The following MRPS28 variants were observed in gnomAD, a reference collection of about 807,000 sequenced individuals.
The protein encoded by MRPS28 is mitochondrial ribosomal protein S28.
Under a neutral mutation model 10.8 loss-of-function variants are expected in MRPS28, and 7 were observed. The observed-to-expected ratio is 0.65, with a 90% CI of 0.37 to 1.22. The LOEUF is 1.22. Ranked by LOEUF, MRPS28 falls within the 50% of genes most tolerant of loss-of-function variation. The probability of loss-of-function intolerance (pLI) is 0.02; values close to 1 mark genes in which losing one functional copy is unlikely to be tolerated. For missense variants in MRPS28, 265 were observed against 232.9 expected (o/e 1.14, Z -0.90); for synonymous variants, 121 against 93.3 (o/e 1.30, Z -1.71).
chr8:79,929,308 T>C (rs1806397217), intron 2 of MRPS28, among the ~76,000 whole-genome samples: 1 of 152,176 alleles, frequency 6.6e-6, no homozygotes, highest in Non-Finnish European at 1.5e-5. Flanking sequence ...TAGAAGTATA[T>C]ATTCTATTCT....
intron 2 of MRPS28, among the ~76,000 whole-genome samples, chr8:79,949,709 CTTT>C (rs1023544584): frequency 6.6e-6 from 1 of 152,024 alleles, no homozygotes; most frequent in African/African-American, 2.4e-5. Flanking sequence ...AAAAAAATAA[CTTT>C]TTTTAGATGT....
At chr8:79,934,812 C>T (rs959744538) in intron 2 of MRPS28, among the ~76,000 whole-genome samples, 1 of 152,062 alleles carries the variant, frequency 6.6e-6, no homozygotes, top group African/African-American at 2.4e-5. Flanking sequence ...GGTTAAGAAA[C>T]AACCTGATTA....
chr8:79,934,430 T>C (rs1178541527), intron 2 of MRPS28, among the ~76,000 whole-genome samples: 4 of 152,164 alleles, frequency 2.6e-5, no homozygotes, highest in Non-Finnish European at 5.9e-5. Flanking sequence ...TAAAAATTCA[T>C]TCAATATTAT....
intron 2 of MRPS28, among the ~76,000 whole-genome samples, chr8:79,976,599 G>A (rs1424683085): frequency 4.6e-5 from 7 of 152,030 alleles, no homozygotes; most frequent in African/African-American, 1.7e-4. Flanking sequence ...CCAACTACAC[G>A]GGAGGCTGAG....
In MRPS28 at chr8:79,930,073, A is replaced by G. The variant is rs116246519; in HGVS notation, c.396-10925T>C. Among the ~76,000 whole-genome samples the G allele has an allele frequency of 5.4e-3, 819 of 152,328 alleles. 5 individuals carry two copies. The highest frequency in any genetic ancestry group is 0.019 in the African/African-American group (780 of 41,572). On this transcript the variant is annotated intron_variant, in intron 2 of 2. Transcript: ENST00000276585. The stretch of plus-strand genomic sequence containing the variant: ...ACACTCTCAGTGACTTACCACATCC[A>G]TAGGTGCTCTGACTTATTACAGATA...
At chr8:79,944,896 T>C (rs1189621348) in intron 2 of MRPS28, among the ~76,000 whole-genome samples, 4 of 152,040 alleles carry the variant, frequency 2.6e-5, no homozygotes, top group Non-Finnish European at 5.9e-5. Flanking sequence ...GATCTCGCCA[T>C]GTTGTCCAGG....
intron 1 of MRPS28, among the ~76,000 whole-genome samples, chr8:80,027,480 C>T (rs904013985): frequency 1.3e-5 from 2 of 152,138 alleles, no homozygotes; most frequent in African/African-American, 4.8e-5. Flanking sequence ...TAGAGAGATG[C>T]ACCATTGTAT....
chr8:79,926,252 G>C (rs1331056173), intron 2 of MRPS28, among the ~76,000 whole-genome samples: 1 of 152,080 alleles, frequency 6.6e-6, no homozygotes, highest in Non-Finnish European at 1.5e-5. Flanking sequence ...TAAGCAAAAA[G>C]GGATACGTTT....
At chr8:79,967,817 C>T (rs1315766446) in intron 2 of MRPS28, among the ~76,000 whole-genome samples, 1 of 151,982 alleles carries the variant, frequency 6.6e-6, no homozygotes, top group African/African-American at 2.4e-5. Context: ...AAGAAGCTGA[C>T]GGGTCACATC....
chr8:79,990,989 CAAAA>C (rs60436244), intron 2 of MRPS28, among the ~76,000 whole-genome samples: 4 of 118,908 alleles, frequency 3.4e-5, no homozygotes, highest in Non-Finnish European at 1.8e-5. Context: ...GACTCCATCT[CAAAA>C]AAAAAAAAAA....
At chr8:79,951,812 T>C (rs1407831745) in intron 2 of MRPS28, among the ~76,000 whole-genome samples, 1 of 152,310 alleles carries the variant, frequency 6.6e-6, no homozygotes, top group East Asian at 1.9e-4. Context: ...CTCGCAGCCA[T>C]GATGGGATCA....
Position 79,991,909 on chromosome 8 carries a change from G to GCTCT in MRPS28, c.395+11086_395+11089dup, listed in dbSNP as rs33936648. Among the ~76,000 whole-genome samples the GCTCT allele has an allele frequency of 4.1e-3, 551 of 133,024 alleles. 4 individuals carry two copies. Among genetic ancestry groups the GCTCT allele is most frequent in the South Asian group, 8.0e-3 (32 of 3,988 alleles). 87.3% of individuals were successfully genotyped at this position (133,024 alleles called of 152,430 possible). On this transcript the variant is annotated intron_variant, in intron 2 of 2. Transcript: ENST00000276585. The stretch of plus-strand genomic sequence containing the variant: ...TAAAAGGCATCACCACTTCCTCCTT[G>GCTCT]CTCTCTCTCTCTCTCTCTCTCTCTC...
intron 2 of MRPS28, among the ~76,000 whole-genome samples, chr8:79,998,723 C>G (rs1158523597): frequency 6.6e-6 from 1 of 152,214 alleles, no homozygotes; most frequent in Non-Finnish European, 1.5e-5. Flanking sequence ...CTGCAAAACT[C>G]TAGGGCGTTT....
intron 2 of MRPS28, among the ~76,000 whole-genome samples, chr8:79,938,174 G>A (rs776750965): frequency 2.1e-4 from 32 of 151,980 alleles, no homozygotes; most frequent in Non-Finnish European, 3.5e-4. Context: ...AACATACTTC[G>A]GGGAAGTGCT....
intron 2 of MRPS28, among the ~76,000 whole-genome samples, chr8:79,966,258 T>C (rs893131500): frequency 3.9e-5 from 6 of 151,954 alleles, no homozygotes; most frequent in Non-Finnish European, 8.8e-5. Context: ...ATTATAGATA[T>C]ATAAAGGGTC....
At chr8:79,947,989 CTTCTT>C (rs1806969946) in intron 2 of MRPS28, among the ~76,000 whole-genome samples, 1 of 132,396 alleles carries the variant, frequency 7.6e-6, no homozygotes, top group Non-Finnish European at 1.7e-5. Context: ...TTCTTTTTTT[CTTCTT>C]TTTTTTTTTT....
chr8:79,985,830 C>T (rs576557050), intron 2 of MRPS28, among the ~76,000 whole-genome samples: 20 of 151,680 alleles, frequency 1.3e-4, no homozygotes, highest in South Asian at 8.3e-4. Context: ...GATTCACAGC[C>T]GAATTCTACC....
At chr8:80,022,638 T>C (rs1563545562) in intron 1 of MRPS28, among the ~76,000 whole-genome samples, 1 of 152,272 alleles carries the variant, frequency 6.6e-6, no homozygotes, top group Non-Finnish European at 1.5e-5. Context: ...ATCAAGACTA[T>C]TTAGTTTTAT....
rs545366229 is a variant in MRPS28, at chr8:79,959,978, T to A, written c.396-40830A>T. Among the ~76,000 whole-genome samples the A allele has an allele frequency of 2.4e-4, 37 of 152,244 alleles. 1 individual carries two copies. In the Middle Eastern group the frequency reaches 0.01, roughly 42 times the overall value. On this transcript the variant is annotated intron_variant, in intron 2 of 2. Coordinates refer to ENST00000276585, the MANE Select transcript of MRPS28 (RefSeq NM_014018.3). ...CAACACTGCCAAATCTCCCACGGAT[T>A]ATTCCCAAACCTCAAATCCTGACAA... is the stretch of plus-strand genomic sequence containing the variant.
Sources: allele counts gnomAD v4.1 joint callset (sites outside exome capture counted in the v4.1 genomes callset), GRCh38; gene constraint gnomAD v4.1.1; transcripts MANE v1.5; gene names NCBI Gene and HGNC (gene_info 2026-07-23, HGNC 2026-07-21).